Variants in NR1H2 observed in about 807,000 individuals in gnomAD.
NR1H2 encodes oxysterols receptor LXR-beta.
In NR1H2, 33 loss-of-function variants were observed where a neutral mutation model predicts 51.2. The ratio of observed to expected loss-of-function variants is 0.64; its 90% CI spans 0.49 to 0.86. NR1H2 has a LOEUF of 0.86. Ranked by LOEUF, NR1H2 falls within the 40% of genes least tolerant of loss-of-function variation. The probability of loss-of-function intolerance (pLI) is 0.00; values close to 1 mark genes in which losing one functional copy is unlikely to be tolerated. For synonymous variants in NR1H2, 310 were observed against 264.3 expected (o/e 1.17, Z -1.68); for missense variants, 592 against 639.9 (o/e 0.93, Z 0.81).
Position 50,378,229 on chromosome 19 carries a change from C to G in NR1H2, c.262C>G (p.Arg88Gly), listed in dbSNP as rs998853159. ...APKMLGHELC[R>G]VCGDKASGFH... Reference sequence around the variant, plus strand: ...GAAGATGCTGGGCCACGAGCTTTGCCGTGTCTGTGGGGACAAGGCCTCCGG... The same window carrying G: ...GAAGATGCTGGGCCACGAGCTTTGCGGTGTCTGTGGGGACAAGGCCTCCGG... Residue 88 changes from arginine to glycine, a missense_variant, in exon 5 of 10, where the codon CGT becomes GGT. Coordinates refer to ENST00000253727, the MANE Select transcript of NR1H2 (RefSeq NM_007121.7). 2 of 1,613,570 alleles carry G rather than the reference C, an allele frequency of 1.2e-6. No homozygotes were observed. Among genetic ancestry groups the G allele is most frequent in the East Asian group, 4.5e-5 (2 of 44,880 alleles).
At position 50,382,476 on chromosome 19, in the gene NR1H2, C is replaced by A; in HGVS notation, c.1257C>A (p.Arg419=). The change falls in exon 10 of 10, where the codon CGC becomes CGA. Residue 419 remains arginine (R), a synonymous_variant. Transcript: ENST00000253727. Reference sequence around the variant, plus strand: ...CTCAGGACCAGCTGCGCTTCCCGCGCATGCTCATGAAGCTGGTGAGCCTGC... The same window carrying A: ...CTCAGGACCAGCTGCGCTTCCCGCGAATGCTCATGAAGCTGGTGAGCCTGC... ...KRPQDQLRFP[R]MLMKLVSLRT... The A allele has an allele frequency of 1.2e-6, 2 of 1,607,778 alleles. No homozygotes were observed. The highest frequency in any genetic ancestry group is 1.7e-6 in the Non-Finnish European group (2 of 1,178,662).
At position 50,378,456 on chromosome 19, in the gene NR1H2, G is replaced by A. The variant is rs2037706752; in HGVS notation, c.472+17G>A. 2.5e-6 allele frequency: 4 copies of A among 1,581,806 alleles called. No individual in the cohort carries two copies. Among genetic ancestry groups the A allele is most frequent in the Non-Finnish European group, 3.4e-6 (4 of 1,161,034 alleles). ...GGGAGCAGTGTGAGTGCAGCGGGAGGGGGCGGTGCCGGCCTGGCCCCCCGC... is the reference window on the plus strand; with the variant it reads ...GGGAGCAGTGTGAGTGCAGCGGGAGAGGGCGGTGCCGGCCTGGCCCCCCGC... On this transcript the variant is annotated intron_variant, in intron 5 of 9. Coordinates refer to ENST00000253727, the MANE Select transcript of NR1H2 (RefSeq NM_007121.7).
chr19:50,382,445 T>G lies in NR1H2; in HGVS notation c.1237-11T>G, dbSNP rs768667244. 8 of 1,583,154 alleles carry G rather than the reference T, an allele frequency of 5.1e-6. No individual in the cohort carries two copies. The highest frequency in any genetic ancestry group is 6.8e-6 in the Non-Finnish European group (8 of 1,168,240). ...GGGGCTCAGCCAGCGCCCACCTGCC[T>G]CCTCCCTCAGGACCAGCTGCGCTTC... On this transcript the variant is annotated splice_polypyrimidine_tract_variant and intron_variant, in intron 9 of 9. Transcript: ENST00000253727.
chr19:50,382,644 C>G lies in NR1H2; in HGVS notation c.*42C>G. ...CCCCACAGCCTTGCCTGACCACCCTCCAGCAGATAGACGCCGGCACCCCTT... is the reference window on the plus strand; with the variant it reads ...CCCCACAGCCTTGCCTGACCACCCTGCAGCAGATAGACGCCGGCACCCCTT... On this transcript the variant is annotated 3_prime_UTR_variant, in exon 10 of 10. Coordinates refer to ENST00000253727, the MANE Select transcript of NR1H2 (RefSeq NM_007121.7). The G allele has an allele frequency of 6.6e-7, 1 of 1,507,482 alleles. No individual in the cohort carries two copies. Among genetic ancestry groups the G allele is most frequent in the African/African-American group, 1.4e-5 (1 of 71,840 alleles). 93.4% of individuals were successfully genotyped at this position (1,507,482 alleles called of 1,614,324 possible). A position where few individuals can be genotyped will look rare whatever the true frequency, so the allele number is the denominator to read the frequency against.
chr19:50,381,840 G>T, intron 8 of NR1H2, 126 bp from the exon 9 acceptor site: 1 of 822,080 alleles, frequency 1.2e-6, no homozygotes, highest in South Asian at 1.8e-5. Flanking sequence ...CAGGTGGACA[G>T]AAATGACAAG....
intron 4 of NR1H2, 86 bp downstream of exon 4, chr19:50,377,956 T>G: frequency 6.8e-7 from 1 of 1,477,848 alleles, no homozygotes. Context: ...TGGGAGGCCC[T>G]GATCTTTGCT....
chr19:50,381,346 C>T (rs2037762011), intron 8 of NR1H2, among the ~76,000 whole-genome samples: 1 of 152,230 alleles, frequency 6.6e-6, no homozygotes, highest in Admixed American at 6.5e-5. Flanking sequence ...GCAGCCTTCC[C>T]TGCCCGCCTT....
Position 50,382,543 on chromosome 19 carries a change from C to T in NR1H2, c.1324C>T (p.Arg442Trp). ...GCACTCGGAGCAGGTCTTCGCCTTG[C>T]GGCTCCAGGACAAGAAGCTGCCGCC... is the stretch of plus-strand genomic sequence containing the variant. Reference protein sequence around the residue: ...SVHSEQVFALRLQDKKLPPLL... With the variant: ...SVHSEQVFALWLQDKKLPPLL... The change falls in exon 10 of 10, where the codon CGG becomes TGG. Residue 442 changes from arginine to tryptophan, a missense_variant. This residue lies in a region of NR1H2 where 174 missense variants were observed against 174.0 expected (regional missense o/e 1.00). Coordinates refer to ENST00000253727, the MANE Select transcript of NR1H2 (RefSeq NM_007121.7). 1.2e-6 allele frequency: 2 copies of T among 1,607,756 alleles called. No homozygotes were observed. The highest frequency in any genetic ancestry group is 1.1e-5 in the South Asian group (1 of 90,870).
chr19:50,382,670 C>T lies in NR1H2; in HGVS notation c.*68C>T. The T allele has an allele frequency of 1.4e-6, 2 of 1,477,752 alleles. No homozygotes were observed. Among genetic ancestry groups the T allele is most frequent in the Non-Finnish European group, 9.0e-7 (1 of 1,112,930 alleles). 91.5% of individuals were successfully genotyped at this position (1,477,752 alleles called of 1,614,324 possible). On this transcript the variant is annotated 3_prime_UTR_variant, in exon 10 of 10. Transcript: ENST00000253727. ...CAGCAGATAGACGCCGGCACCCCTT[C>T]CTCTTCCTAGGGTGGAAGGGGCCCT... is the stretch of plus-strand genomic sequence containing the variant.
At chr19:50,377,315 C>G (rs1050649240) in intron 2 of NR1H2, 1 of 417,542 alleles carries the variant, frequency 2.4e-6, no homozygotes, top group African/African-American at 2.1e-5. Flanking sequence ...ATGGGCCCTA[C>G]CTAGAAAAAG....
chr19:50,377,499 A>T, intron 2 of NR1H2, 88 bp from the exon 3 acceptor site: 2 of 1,064,348 alleles, frequency 1.9e-6, no homozygotes, highest in Middle Eastern at 2.1e-4. Flanking sequence ...GAGATGGAAA[A>T]AAAAGGGAAA....
At position 50,378,195 on chromosome 19, in the gene NR1H2, C is replaced by T; in HGVS notation, c.228C>T (p.Gly76=). The T allele has an allele frequency of 6.2e-7, 1 of 1,613,434 alleles. No homozygotes were observed. The highest frequency in any genetic ancestry group is 8.5e-7 in the Non-Finnish European group (1 of 1,179,906). ...EEEPERKRKK[G]PAPKMLGHEL... ...AACCAGAGCGCAAGCGAAAGAAGGG[C>T]CCAGCCCCGAAGATGCTGGGCCACG... is the stretch of plus-strand genomic sequence containing the variant. Residue 76 remains glycine (G), a synonymous_variant, in exon 5 of 10, where the codon GGC becomes GGT. Coordinates refer to ENST00000253727, the MANE Select transcript of NR1H2 (RefSeq NM_007121.7).
At chr19:50,378,074 A>G in intron 4 of NR1H2, 75 bp from the exon 5 acceptor site, 1 of 1,487,946 alleles carries the variant, frequency 6.7e-7, no homozygotes, top group East Asian at 2.3e-5. Flanking sequence ...TTGCCTGGGG[A>G]TCTCCTGTGG....
intron 8 of NR1H2, among the ~76,000 whole-genome samples, chr19:50,381,757 C>T (rs764383694): frequency 6.6e-5 from 10 of 152,226 alleles, no homozygotes; most frequent in Non-Finnish European, 1.3e-4. Flanking sequence ...GAAACATGCA[C>T]CCTCATTCAT....
intron 9 of NR1H2, 33 bp downstream of exon 9, chr19:50,382,207 A>T (rs1165361454): frequency 6.7e-7 from 1 of 1,488,028 alleles, no homozygotes; most frequent in East Asian, 2.5e-5. Context: ...CGCAGAGCCA[A>T]CTACGTCCCG....
At position 50,378,988 on chromosome 19, in the gene NR1H2, C is replaced by T. The variant is rs773838759; in HGVS notation, c.748-14C>T. The T allele has an allele frequency of 6.3e-7, 1 of 1,596,122 alleles. No individual in the cohort carries two copies. The highest frequency in any genetic ancestry group is 1.7e-5 in the Admixed American group (1 of 57,946). On this transcript the variant is annotated splice_polypyrimidine_tract_variant and intron_variant, in intron 6 of 9. Coordinates refer to ENST00000253727, the MANE Select transcript of NR1H2 (RefSeq NM_007121.7). ...ACAAAGACCTGGGAGTGACCCTGGT[C>T]TCCTGTGTCCCAGCCCTGGCCCCTG... is the stretch of plus-strand genomic sequence containing the variant.
intron 8 of NR1H2, 87 bp from the exon 9 acceptor site, chr19:50,381,879 C>T (rs1353436146): frequency 1.7e-6 from 2 of 1,167,832 alleles, no homozygotes; most frequent in Non-Finnish European, 2.4e-6. Context: ...GTGTTCCCAG[C>T]CCCAGAGACT....
chr19:50,381,568 A>T (rs911538150), intron 8 of NR1H2, among the ~76,000 whole-genome samples: 4 of 152,114 alleles, frequency 2.6e-5, no homozygotes, highest in African/African-American at 9.7e-5. Flanking sequence ...CAGTTTTGGG[A>T]ATGAGTTTGG....
In NR1H2 at chr19:50,378,695, G is replaced by C; in HGVS notation, c.646G>C (p.Gly216Arg). The C allele has an allele frequency of 6.2e-7, 1 of 1,613,786 alleles. No homozygotes were observed. ...CAGCCAGGGCTCCGGGGAAGGCGAG[G>C]GTGTCCAGCTAACAGCGGCTCAAGA... is the stretch of plus-strand genomic sequence containing the variant. ...AGSQGSGEGEGVQLTAAQELM... is the reference protein window; with the variant it reads ...AGSQGSGEGERVQLTAAQELM... Residue 216 changes from glycine to arginine, a missense_variant, in exon 6 of 10, where the codon GGT becomes CGT. Coordinates refer to ENST00000253727, the MANE Select transcript of NR1H2 (RefSeq NM_007121.7).
Sources: gnomAD v4.1 joint callset for allele counts (sites outside exome capture counted in the v4.1 genomes callset) on GRCh38, gnomAD v4.1.1 for gene constraint, gnomAD v4.1.1 regional missense constraint, MANE v1.5 for transcripts, NCBI Gene and HGNC (gene_info 2026-07-23, HGNC 2026-07-21) for gene names.